The following HS1BP3 variants were observed in gnomAD, a reference collection of about 807,000 sequenced individuals.
HS1BP3 encodes HCLS1-binding protein 3.
Under a neutral mutation model 33.5 loss-of-function variants are expected in HS1BP3, and 32 were observed. The observed-to-expected ratio is 0.95, with a 90% CI of 0.72 to 1.28. The LOEUF (loss-of-function observed/expected upper bound fraction) is 1.28, where lower values mean the gene tolerates loss of function less well. Among genes scored for constraint, HS1BP3 ranks in the 50% most tolerant of loss-of-function variants. The probability of loss-of-function intolerance (pLI) is 0.00; values close to 1 mark genes in which losing one functional copy is unlikely to be tolerated. For synonymous variants in HS1BP3, 187 were observed against 209.2 expected, an observed-to-expected ratio of 0.89 and a Z score of 0.92; for missense variants, 486 against 502.3, an observed-to-expected ratio of 0.97 and a Z score of 0.31.
chr2:20,605,504 G>C (rs1490396950), intron 2 of HS1BP3, among the ~76,000 whole-genome samples: 1 of 152,120 alleles, frequency 6.6e-6, no homozygotes, highest in African/African-American at 2.4e-5. Flanking sequence ...GTGGTGTTTA[G>C]TATATTTACA....
downstream of HS1BP3, among the ~76,000 whole-genome samples, chr2:20,555,876 T>C (rs1400402627): frequency 1.3e-5 from 2 of 152,112 alleles, no homozygotes; most frequent in African/African-American, 4.8e-5. Flanking sequence ...CAATTCTCAC[T>C]CCCCTTCCCC....
intron 5 of HS1BP3, among the ~76,000 whole-genome samples, chr2:20,574,672 C>A (rs1693356891): frequency 6.6e-6 from 1 of 152,172 alleles, no homozygotes; most frequent in Non-Finnish European, 1.5e-5. Flanking sequence ...CCTGGCCAGC[C>A]CCACTCAGTG....
chr2:20,554,241 C>T, the HS1BP3 span, among the ~76,000 whole-genome samples: 1 of 152,218 alleles, frequency 6.6e-6, no homozygotes, highest in East Asian at 1.9e-4. Context: ...GCAGTCAGTG[C>T]CTCACTTGTA....
chr2:20,623,939 T>G lies in HS1BP3; in HGVS notation c.877A>C (p.Thr293Pro). The G allele has an allele frequency of 6.2e-7, 1 of 1,612,356 alleles. No individual in the cohort carries two copies. ...LPAACESGGP[T>P]PSLSHRDASK... ...GCGTCCCTGTGGCTGAGGCTGGGTG[T>G]GGGCCCTCCACTCTCACAGGCGGCT... The change falls in exon 6 of 7, where the codon ACA becomes CCA. Residue 293 changes from threonine (T) to proline (P), a missense_variant. Physicochemically the swap from Thr to Pro is conservative, Grantham distance 38. Coordinates refer to ENST00000304031, the MANE Select transcript of HS1BP3 (RefSeq NM_022460.4).
chr2:20,624,694 G>A lies in HS1BP3; in HGVS notation c.784+38C>T, dbSNP rs202083720. On this transcript the variant is annotated intron_variant, in intron 5 of 6. Transcript: ENST00000304031. ...CTGCCTGGTGATGGGGCTGGGCACC[G>A]AGAGGACACCAGGAGCAGACCATGG... is the stretch of plus-strand genomic sequence containing the variant. 186 of 1,545,206 alleles carry A rather than the reference G, an allele frequency of 1.2e-4. No homozygotes were observed. The East Asian group carries it at 3.0e-3, about 25-fold the overall frequency.
chr2:20,620,118 G>A (rs1694549649), intron 6 of HS1BP3, among the ~76,000 whole-genome samples: 2 of 152,258 alleles, frequency 1.3e-5, no homozygotes, highest in Admixed American at 1.3e-4. Context: ...CAGATGCACA[G>A]TGGAAGACTC....
chr2:20,608,574 CAAAAAAAAAAAAAA>C (rs60486220), intron 2 of HS1BP3, among the ~76,000 whole-genome samples: 6 of 96,390 alleles, frequency 6.2e-5, no homozygotes, highest in Non-Finnish European at 1.0e-4. Context: ...AACTCCGTCT[CAAAAAAAAAAAAAA>C]AAAAAAAAGA....
chr2:20,554,896 C>T, the HS1BP3 span, among the ~76,000 whole-genome samples: 1 of 152,172 alleles, frequency 6.6e-6, no homozygotes, highest in Admixed American at 6.5e-5. Flanking sequence ...CCACTGCCTT[C>T]AGGACAGAGC....
intron 5 of HS1BP3, among the ~76,000 whole-genome samples, chr2:20,581,809 C>A (rs1572301772): frequency 6.6e-6 from 1 of 152,330 alleles, no homozygotes; most frequent in East Asian, 1.9e-4. Flanking sequence ...TCCACCTATG[C>A]ACTACCTTGC....
chr2:20,582,548 C>T (rs1396054988), intron 5 of HS1BP3, among the ~76,000 whole-genome samples: 2 of 152,084 alleles, frequency 1.3e-5, no homozygotes, highest in African/African-American at 2.4e-5. Context: ...GCTGAGAGGT[C>T]CCCAGAGACA....
intron 5 of HS1BP3, among the ~76,000 whole-genome samples, chr2:20,579,440 G>A (rs186961501): frequency 1.4e-4 from 21 of 152,338 alleles, no homozygotes; most frequent in East Asian, 3.9e-4. Context: ...AAGATCCTCC[G>A]GCACAACAAA....
chr2:20,639,826 G>A (rs1011027229), intron 3 of HS1BP3, among the ~76,000 whole-genome samples: 11 of 152,162 alleles, frequency 7.2e-5, no homozygotes, highest in South Asian at 2.1e-4. Flanking sequence ...CTCTTCCAGC[G>A]ATGGCTGAGC....
chr2:20,575,773 C>G (rs945650400), intron 5 of HS1BP3, among the ~76,000 whole-genome samples: 50 of 146,272 alleles, frequency 3.4e-4, no homozygotes, highest in Admixed American at 6.7e-4. Flanking sequence ...CCCCCCCCCC[C>G]CTTCAGGCTA....
chr2:20,604,837 T>C (rs1178448598), intron 2 of HS1BP3, among the ~76,000 whole-genome samples: 1 of 152,126 alleles, frequency 6.6e-6, no homozygotes, highest in Non-Finnish European at 1.5e-5. Flanking sequence ...GTCTGGGTTT[T>C]CAGGATATTA....
At chr2:20,609,172 G>T (rs1694263453) in intron 2 of HS1BP3, among the ~76,000 whole-genome samples, 1 of 152,210 alleles carries the variant, frequency 6.6e-6, no homozygotes, top group Non-Finnish European at 1.5e-5. Context: ...CACCGTCCTT[G>T]GGGGCAGAGG....
chr2:20,612,650 T>C (rs181541875), intron 2 of HS1BP3, among the ~76,000 whole-genome samples: 1 of 152,330 alleles, frequency 6.6e-6, no homozygotes, highest in Non-Finnish European at 1.5e-5. Flanking sequence ...ACTCCATTCG[T>C]TTTTGTGATC....
At chr2:20,648,329 C>T (rs1160335941) in intron 1 of HS1BP3, among the ~76,000 whole-genome samples, 1 of 152,188 alleles carries the variant, frequency 6.6e-6, no homozygotes. Context: ...GATCTTGAAC[C>T]CTTTCCAGCC....
chr2:20,645,348 G>A lies in HS1BP3; in HGVS notation c.190C>T (p.Gln64Ter). ...SAKHRPEDVV[Q>*]FLVSKKYSEI... ...CAGAGCCTCCGGCTCACCAAGAACTGGACGACATCCTCGGGCCTGTGCTTG... is the reference window on the plus strand; with the variant it reads ...CAGAGCCTCCGGCTCACCAAGAACTAGACGACATCCTCGGGCCTGTGCTTG... The change falls in exon 2 of 7, where the codon CAG (glutamine) becomes TAG (stop). Residue 64 changes from glutamine to a stop codon, truncating the protein, a stop_gained. Transcript: ENST00000304031. LOFTEE classifies it high-confidence loss of function. The A allele has an allele frequency of 2.5e-6, 4 of 1,613,456 alleles. No homozygotes were observed. Among genetic ancestry groups the A allele is most frequent in the South Asian group, 1.1e-5 (1 of 91,014 alleles).
At chr2:20,621,485 T>C (rs956205387) in intron 6 of HS1BP3, among the ~76,000 whole-genome samples, 1 of 152,214 alleles carries the variant, frequency 6.6e-6, no homozygotes, top group Non-Finnish European at 1.5e-5. Flanking sequence ...GTGTCACTCA[T>C]GGCCAGTCTG....
Sources: gnomAD v4.1 joint callset for allele counts (sites outside exome capture counted in the v4.1 genomes callset) on GRCh38, gnomAD v4.1.1 for gene constraint, MANE v1.5 for transcripts, NCBI Gene and HGNC (gene_info 2026-07-23, HGNC 2026-07-21) for gene names.